Variants in SNX29 observed in about 807,000 individuals in gnomAD.
The protein encoded by SNX29 is sorting nexin-29.
A neutral mutation model predicts 102.1 loss-of-function variants in SNX29; 78 were observed. The observed-to-expected ratio is 0.76, with a 90% confidence interval of 0.64 to 0.92. The LOEUF (loss-of-function observed/expected upper bound fraction) is 0.92. SNX29 is among the 40% of genes least tolerant of loss of function. The pLI, the probability that SNX29 is intolerant of heterozygous loss-of-function variation, is 0.00. For synonymous variants in SNX29, 580 were observed against 414.5 expected (o/e 1.40, Z -4.85); for missense variants, 1,280 against 1,061.7 (o/e 1.21, Z -2.86).
intron 7 of SNX29, among the ~76,000 whole-genome samples, chr16:12,051,437 GGC>G (rs762040045): frequency 1.3e-5 from 2 of 152,086 alleles, no homozygotes; most frequent in Non-Finnish European, 2.9e-5. Context: ...ATTGCAAAGG[GGC>G]ATTGCACAGG....
chr16:12,513,612 G>A (rs939504890), intron 19 of SNX29, among the ~76,000 whole-genome samples: 1 of 152,140 alleles, frequency 6.6e-6, no homozygotes, highest in African/African-American at 2.4e-5. Context: ...TCTCAGCCAC[G>A]CCGTTGCCCC....
At chr16:12,269,859 C>T (rs546424118) in intron 14 of SNX29, among the ~76,000 whole-genome samples, 5 of 150,380 alleles carry the variant, frequency 3.3e-5, no homozygotes, top group African/African-American at 4.9e-5. Flanking sequence ...TCATCATCAT[C>T]ATTATTATTA....
intron 14 of SNX29, among the ~76,000 whole-genome samples, chr16:12,275,360 T>TA (rs2079212179): frequency 6.6e-6 from 1 of 152,136 alleles, no homozygotes; most frequent in South Asian, 2.1e-4. Context: ...ATGTCTCCAT[T>TA]AAAAAAATGG....
Position 12,078,904 on chromosome 16 carries a change from C to T in SNX29, c.1391C>T (p.Ser464Phe), listed in dbSNP as rs1357317704. 6.2e-7 allele frequency: 1 copy of T among 1,603,194 alleles called. No individual in the cohort carries two copies. Among genetic ancestry groups the T allele is most frequent in the South Asian group, 1.1e-5 (1 of 88,602 alleles). ...TTACCTTCTGCCTCAGTGCCAGAGT[C>T]CATGACAATTAGTAAGTACTTTCGC... ...SLLPSASVPE[S>F]MTISELRQAT... Residue 464 changes from serine to phenylalanine, a missense_variant, in exon 11 of 21, where the codon TCC becomes TTC. Physicochemically the swap from Ser to Phe is radical, Grantham distance 155 (BLOSUM62 -2). Coordinates refer to ENST00000566228, the MANE Select transcript of SNX29 (RefSeq NM_032167.5).
At chr16:12,334,479 C>T (rs553091859) in intron 15 of SNX29, among the ~76,000 whole-genome samples, 3 of 152,150 alleles carry the variant, frequency 2.0e-5, no homozygotes, top group Admixed American at 6.5e-5. Flanking sequence ...TTCACTTAAT[C>T]TTGATGCATA....
At chr16:12,189,507 G>A (rs545637821) in intron 13 of SNX29, among the ~76,000 whole-genome samples, 1 of 152,266 alleles carries the variant, frequency 6.6e-6, no homozygotes, top group African/African-American at 2.4e-5. Flanking sequence ...CAGAGGCGAT[G>A]CATCTTTTTA....
intron 14 of SNX29, among the ~76,000 whole-genome samples, chr16:12,275,881 GTTTTT>G (rs34099498): frequency 5.8e-5 from 6 of 104,080 alleles, no homozygotes; most frequent in African/African-American, 3.7e-5. Context: ...CATTTTAATT[GTTTTT>G]TTTTTTTTTT....
At chr16:12,210,385 C>CCGGA (rs2077151941) in intron 14 of SNX29, among the ~76,000 whole-genome samples, 2 of 150,830 alleles carry the variant, frequency 1.3e-5, no homozygotes, top group Admixed American at 1.3e-4. Flanking sequence ...TGGAGCGCAG[C>CCGGA]TGGACGATCA....
chr16:12,068,933 A>G lies in SNX29; in HGVS notation c.1244-124A>G, dbSNP rs532826234. 8.5e-6 allele frequency: 7 copies of G among 822,464 alleles called. No homozygotes were observed. In the Admixed American group the frequency reaches 9.1e-5, roughly 11 times the overall value. 50.9% of individuals were successfully genotyped at this position (822,464 alleles called of 1,614,324 possible). A position where few individuals can be genotyped will look rare whatever the true frequency, so the allele number is the denominator to read the frequency against. On this transcript the variant is annotated intron_variant, in intron 9 of 20. Transcript: ENST00000566228. ...GATTAAAATCCAGCTTGCAGGAGAG[A>G]TGGAGAAAAATTTCTTAGTCAAGTG...
intron 18 of SNX29, among the ~76,000 whole-genome samples, chr16:12,461,572 T>A (rs1325279273): frequency 6.6e-6 from 1 of 152,096 alleles, no homozygotes; most frequent in African/African-American, 2.4e-5. Context: ...TAACCTCCCA[T>A]CCGTCACAGC....
intron 1 of SNX29, among the ~76,000 whole-genome samples, chr16:11,989,518 T>C (rs2055761374): frequency 1.3e-5 from 2 of 152,170 alleles, no homozygotes; most frequent in African/African-American, 2.4e-5. Context: ...TCTGTGCGTA[T>C]GCTAAGTCTA....
Position 12,021,387 on chromosome 16 carries a change from C to T in SNX29, c.123-5933C>T, listed in dbSNP as rs548029261. Reference sequence around the variant, plus strand: ...GTTGCAGTGAGCGGAGATCGCGCCACTGCACTCCATTTTGGGCAACAGAGC... The same window carrying T: ...GTTGCAGTGAGCGGAGATCGCGCCATTGCACTCCATTTTGGGCAACAGAGC... On this transcript the variant is annotated intron_variant, in intron 3 of 20. Coordinates refer to ENST00000566228, the MANE Select transcript of SNX29 (RefSeq NM_032167.5). Among the ~76,000 whole-genome samples the T allele has an allele frequency of 2.2e-4, 33 of 151,934 alleles. 1 individual carries two copies. The South Asian group carries it at 6.0e-3, about 28-fold the overall frequency.
chr16:12,108,807 A>G (rs921260117), intron 11 of SNX29, among the ~76,000 whole-genome samples: 1 of 152,132 alleles, frequency 6.6e-6, no homozygotes, highest in Non-Finnish European at 1.5e-5. Flanking sequence ...TCTGTTGCTT[A>G]TAACAGAGTA....
intron 3 of SNX29, among the ~76,000 whole-genome samples, chr16:12,022,765 T>C (rs1007942103): frequency 6.6e-6 from 1 of 152,216 alleles, no homozygotes; most frequent in Non-Finnish European, 1.5e-5. Context: ...TGTTAAGGAC[T>C]GTCTGTATTT....
chr16:12,478,354 T>G (rs2087753399), intron 19 of SNX29, among the ~76,000 whole-genome samples: 1 of 152,250 alleles, frequency 6.6e-6, no homozygotes, highest in African/African-American at 2.4e-5. Flanking sequence ...GTCATGATGT[T>G]CACTTCAACT....
intron 19 of SNX29, among the ~76,000 whole-genome samples, chr16:12,494,139 G>A (rs1485547136): frequency 2.6e-5 from 4 of 152,172 alleles, no homozygotes; most frequent in South Asian, 2.1e-4. Context: ...CTTGATGCCC[G>A]GAGTTCAAGA....
intron 13 of SNX29, among the ~76,000 whole-genome samples, chr16:12,157,502 C>T (rs997895842): frequency 1.3e-5 from 2 of 152,166 alleles, no homozygotes; most frequent in African/African-American, 2.4e-5. Flanking sequence ...CCTGCTCTCC[C>T]AGAGTGCTCT....
intron 13 of SNX29, among the ~76,000 whole-genome samples, chr16:12,170,703 C>T (rs1041510992): frequency 2.6e-5 from 4 of 151,452 alleles, no homozygotes; most frequent in Admixed American, 2.6e-4. Context: ...AGACACGGTC[C>T]CAGAGAAGGG....
At chr16:12,361,628 A>G (rs2082301624) in intron 16 of SNX29, among the ~76,000 whole-genome samples, 1 of 152,202 alleles carries the variant, frequency 6.6e-6, no homozygotes, top group African/African-American at 2.4e-5. Flanking sequence ...TCCCACACTG[A>G]GAAGTGGCAC....
Sources: gnomAD v4.1 joint callset for allele counts (sites outside exome capture counted in the v4.1 genomes callset) on GRCh38, gnomAD v4.1.1 for gene constraint, MANE v1.5 for transcripts, NCBI Gene and HGNC (gene_info 2026-07-23, HGNC 2026-07-21) for gene names.